ERBB4: variants seen among roughly 807,000 people sequenced by gnomAD.
ERBB4 encodes receptor tyrosine-protein kinase erbB-4.
Under a neutral mutation model 158.0 loss-of-function variants are expected in ERBB4, and 42 were observed. That is an observed-to-expected ratio of 0.27 (90% CI 0.21 to 0.34). The LOEUF (loss-of-function observed/expected upper bound fraction) is 0.34. Among genes scored for constraint, ERBB4 ranks in the 10% least tolerant of loss-of-function variants. The pLI is 1.00. For missense variants in ERBB4, 1,333 were observed against 1,624.1 expected (o/e 0.82, Z 3.08); for synonymous variants, 583 against 558.7 (o/e 1.04, Z -0.61).
chr2:211,925,965 T>G (rs981823371), intron 3 of ERBB4, among the ~76,000 whole-genome samples: 1 of 152,108 alleles, frequency 6.6e-6, no homozygotes, highest in South Asian at 2.1e-4. Context: ...AAAACTGAAA[T>G]GCAGTAGTAA....
chr2:211,714,837 G>C (rs772589258), intron 7 of ERBB4, among the ~76,000 whole-genome samples: 5 of 152,208 alleles, frequency 3.3e-5, no homozygotes, highest in African/African-American at 7.2e-5. Flanking sequence ...TGTAGGGGCA[G>C]AAGCACAAGT....
intron 1 of ERBB4, among the ~76,000 whole-genome samples, chr2:212,445,846 C>T (rs1217749909): frequency 6.6e-6 from 1 of 152,234 alleles, no homozygotes; most frequent in East Asian, 1.9e-4. Context: ...TAGTCATCAA[C>T]ACCACCTACA....
chr2:212,179,589 C>T (rs1450321579), intron 1 of ERBB4, among the ~76,000 whole-genome samples: 1 of 151,364 alleles, frequency 6.6e-6, no homozygotes, highest in Non-Finnish European at 1.5e-5. Flanking sequence ...TGTTGCTCAC[C>T]CTTTAGCTGC....
intron 2 of ERBB4, among the ~76,000 whole-genome samples, chr2:211,997,424 T>G (rs2082226007): frequency 6.6e-6 from 1 of 152,136 alleles, no homozygotes; most frequent in African/African-American, 2.4e-5. Context: ...AATGTTGATG[T>G]TGTAAACACA....
chr2:212,265,438 G>T (rs1385304939), intron 1 of ERBB4, among the ~76,000 whole-genome samples: 1 of 152,042 alleles, frequency 6.6e-6, no homozygotes, highest in African/African-American at 2.4e-5. Flanking sequence ...GTAAAAGAAA[G>T]AATCCATTTC....
intron 2 of ERBB4, among the ~76,000 whole-genome samples, chr2:212,052,458 C>T (rs549589057): frequency 1.2e-4 from 18 of 152,302 alleles, no homozygotes; most frequent in Non-Finnish European, 2.2e-4. Context: ...CCTTCATATA[C>T]ACATCTATCC....
At chr2:212,154,884 T>C (rs145689559) in intron 1 of ERBB4, among the ~76,000 whole-genome samples, 2 of 152,226 alleles carry the variant, frequency 1.3e-5, no homozygotes, top group African/African-American at 2.4e-5. Flanking sequence ...CACAGCCTGA[T>C]AGGAATGTTT....
chr2:212,474,819 A>ATTTTTTTTTTT (rs1295029698), intron 1 of ERBB4, among the ~76,000 whole-genome samples: 29 of 72,118 alleles, frequency 4.0e-4, no homozygotes, highest in African/African-American at 2.0e-3. Flanking sequence ...ACACCCGGCC[A>ATTTTTTTTTTT]TTCTTTTTTT....
At chr2:211,862,198 A>G (rs1167504511) in intron 3 of ERBB4, among the ~76,000 whole-genome samples, 1 of 152,172 alleles carries the variant, frequency 6.6e-6, no homozygotes, top group Non-Finnish European at 1.5e-5. Flanking sequence ...TTTTCAAGCT[A>G]GAACTCAAAT....
At chr2:211,826,440 C>T (rs2077101074) in intron 3 of ERBB4, among the ~76,000 whole-genome samples, 1 of 151,596 alleles carries the variant, frequency 6.6e-6, no homozygotes, top group Admixed American at 6.6e-5. Flanking sequence ...AATGCAGGTC[C>T]CTATTGTGTT....
chr2:211,945,894 T>G (rs559787410), intron 3 of ERBB4, among the ~76,000 whole-genome samples: 1 of 152,060 alleles, frequency 6.6e-6, no homozygotes, highest in Non-Finnish European at 1.5e-5. Flanking sequence ...TATTCATTTT[T>G]TTCTTTACTA....
intron 2 of ERBB4, among the ~76,000 whole-genome samples, chr2:212,067,996 C>T (rs2077995308): frequency 6.6e-6 from 1 of 151,984 alleles, no homozygotes; most frequent in Non-Finnish European, 1.5e-5. Context: ...GAACAGACTA[C>T]TTAGTTAAAA....
intron 5 of ERBB4, among the ~76,000 whole-genome samples, chr2:211,745,728 AACAAAAC>A (rs1559480806): frequency 2.4e-5 from 3 of 125,628 alleles, no homozygotes; most frequent in African/African-American, 5.3e-5. Context: ...AAAAAACAAA[AACAAAAC>A]AAAAAAAACC....
At chr2:211,486,138 C>T (rs13013923) in intron 20 of ERBB4, among the ~76,000 whole-genome samples, 23,377 of 151,940 alleles carry the variant, frequency 0.15, 2,012 homozygotes, top group East Asian at 0.3. Context: ...CAGCTAATAG[C>T]AAAAATTACA....
intron 25 of ERBB4, among the ~76,000 whole-genome samples, chr2:211,417,828 T>C (rs1409048905): frequency 2.0e-5 from 3 of 152,126 alleles, no homozygotes; most frequent in Admixed American, 2.0e-4. Flanking sequence ...ATATATGATA[T>C]TGACAAGGAA....
intron 1 of ERBB4, among the ~76,000 whole-genome samples, chr2:212,136,808 G>A (rs879588188): frequency 6.6e-5 from 10 of 152,090 alleles, no homozygotes; most frequent in Admixed American, 3.9e-4. Flanking sequence ...TGAGAAGAAG[G>A]GGTGTGGCAA....
rs553642827 is a variant in ERBB4, at chr2:211,379,366, A to G, written c.*4249T>C. On this transcript the variant is annotated 3_prime_UTR_variant, in exon 28 of 28. Coordinates refer to ENST00000342788, the MANE Select transcript of ERBB4 (RefSeq NM_005235.3). ...GGTGTTTATTTAAAAAAATAAATAA[A>G]TACAATTTTCTTTACATTTAAAAAG... 16 of 228,164 alleles carry G rather than the reference A, an allele frequency of 7.0e-5. No individual in the cohort carries two copies. In the South Asian group the frequency reaches 2.7e-3, roughly 39 times the overall value. The allele number at this position is 228,164 out of a possible 1,614,324, so 14.1% of individuals were successfully genotyped here. A position where few individuals can be genotyped will look rare whatever the true frequency, so the allele number is the denominator to read the frequency against.
At chr2:211,807,664 T>C (rs139111570) in intron 3 of ERBB4, among the ~76,000 whole-genome samples, 1,690 of 152,320 alleles carry the variant, frequency 0.011, 23 homozygotes, top group Non-Finnish European at 0.017. Flanking sequence ...TATCTAATAA[T>C]GGGATTGTTG....
intron 3 of ERBB4, among the ~76,000 whole-genome samples, chr2:211,911,050 T>G (rs541623895): frequency 6.6e-6 from 1 of 152,322 alleles, no homozygotes; most frequent in East Asian, 1.9e-4. Context: ...ACATTTATTT[T>G]GTTATAGATT....
Sources: allele counts gnomAD v4.1 joint callset (sites outside exome capture counted in the v4.1 genomes callset), GRCh38; gene constraint gnomAD v4.1.1; transcripts MANE v1.5; gene names NCBI Gene and HGNC (gene_info 2026-07-23, HGNC 2026-07-21).